Variants in CSMD1 observed in about 807,000 individuals in gnomAD.
The protein encoded by CSMD1 is CUB and sushi domain-containing protein 1.
Under a neutral mutation model 417.5 loss-of-function variants are expected in CSMD1, and 213 were observed. That is an observed-to-expected ratio of 0.51 (90% confidence interval 0.46 to 0.57). The LOEUF (loss-of-function observed/expected upper bound fraction) is 0.57, where lower values mean the gene tolerates loss of function less well. CSMD1 is among the 20% of genes least tolerant of loss of function. The pLI is 0.00. For synonymous variants in CSMD1, 2,862 were observed against 1,736.8 expected (o/e 1.65, Z -16.11); for missense variants, 6,923 against 4,529.7 (o/e 1.53, Z -15.17).
chr8:3,281,524 AG>A (rs1802737522), intron 26 of CSMD1, among the ~76,000 whole-genome samples: 1 of 152,218 alleles, frequency 6.6e-6, no homozygotes, highest in Admixed American at 6.5e-5. Flanking sequence ...TGATCCGTAC[AG>A]CCATGAAAAG....
intron 6 of CSMD1, among the ~76,000 whole-genome samples, chr8:3,752,302 A>T (rs892615323): frequency 2.0e-5 from 3 of 152,144 alleles, no homozygotes; most frequent in Non-Finnish European, 2.9e-5. Flanking sequence ...TCAAGCTAAG[A>T]ACCTTCCGGC....
intron 26 of CSMD1, among the ~76,000 whole-genome samples, chr8:3,232,441 G>C (rs1372899628): frequency 6.6e-6 from 1 of 152,086 alleles, no homozygotes; most frequent in African/African-American, 2.4e-5. Context: ...TTTTATTGCT[G>C]TATAGTTTTC....
intron 1 of CSMD1, among the ~76,000 whole-genome samples, chr8:4,653,086 A>C (rs1316213511): frequency 6.6e-6 from 1 of 152,050 alleles, no homozygotes; most frequent in African/African-American, 2.4e-5. Flanking sequence ...GGATGTGTTT[A>C]TGAGAGACAG....
At chr8:3,493,885 T>A (rs1246464274) in intron 10 of CSMD1, among the ~76,000 whole-genome samples, 159 bp from the exon 11 acceptor site, 2 of 152,212 alleles carry the variant, frequency 1.3e-5, no homozygotes, top group African/African-American at 4.8e-5. Flanking sequence ...GATAATTATA[T>A]ATATTTGATA....
chr8:3,220,479 G>C (rs1006978560), intron 28 of CSMD1, among the ~76,000 whole-genome samples: 9 of 152,152 alleles, frequency 5.9e-5, no homozygotes, highest in African/African-American at 2.2e-4. Flanking sequence ...GGCTGAGCTT[G>C]GTTAAGATGT....
At chr8:3,976,284 T>C (rs1296147199) in intron 5 of CSMD1, among the ~76,000 whole-genome samples, 2 of 151,408 alleles carry the variant, frequency 1.3e-5, no homozygotes, top group African/African-American at 4.9e-5. Context: ...TTTTTAGCTG[T>C]CAGGTTATAC....
intron 7 of CSMD1, among the ~76,000 whole-genome samples, chr8:3,623,440 T>C (rs1796352809): frequency 6.6e-6 from 1 of 152,184 alleles, no homozygotes; most frequent in East Asian, 1.9e-4. Context: ...ACGACATCTA[T>C]GACAGAGATT....
At chr8:3,582,840 T>A (rs1216801451) in intron 9 of CSMD1, among the ~76,000 whole-genome samples, 4 of 152,234 alleles carry the variant, frequency 2.6e-5, no homozygotes, top group African/African-American at 9.6e-5. Flanking sequence ...GTCTAGCTAC[T>A]AAATATTTCA....
chr8:3,828,954 C>T (rs1165763240), intron 5 of CSMD1, among the ~76,000 whole-genome samples: 2 of 152,212 alleles, frequency 1.3e-5, no homozygotes, highest in Non-Finnish European at 2.9e-5. Context: ...CTGTTTCTTA[C>T]ATATGGCAAC....
chr8:3,457,050 C>A (rs928045956), intron 12 of CSMD1, among the ~76,000 whole-genome samples: 1 of 151,626 alleles, frequency 6.6e-6, no homozygotes, highest in Non-Finnish European at 1.5e-5. Flanking sequence ...ACCCCTCATT[C>A]TGTACTCCTC....
chr8:4,829,043 A>G (rs1359465445), intron 1 of CSMD1, among the ~76,000 whole-genome samples: 1 of 152,208 alleles, frequency 6.6e-6, no homozygotes, highest in Non-Finnish European at 1.5e-5. Flanking sequence ...TTGAAAAGTA[A>G]TGATAACTTA....
At chr8:4,563,670 A>G (rs545702709) in intron 2 of CSMD1, among the ~76,000 whole-genome samples, 134 of 152,362 alleles carry the variant, frequency 8.8e-4, no homozygotes, top group Non-Finnish European at 1.7e-3. Context: ...AACTTTACAC[A>G]TTACAAAATT....
intron 7 of CSMD1, among the ~76,000 whole-genome samples, chr8:3,662,842 G>C (rs983311855): frequency 2.0e-5 from 3 of 152,004 alleles, no homozygotes; most frequent in Non-Finnish European, 1.5e-5. Context: ...CTGTCGGTGG[G>C]TAGGGGGAAA....
At chr8:4,500,579 A>G (rs113568212) in intron 2 of CSMD1, among the ~76,000 whole-genome samples, 12,709 of 152,202 alleles carry the variant, frequency 0.084, 732 homozygotes, top group Non-Finnish European at 0.11. Flanking sequence ...AAAGAAGAAC[A>G]GGATAGCTGT....
chr8:4,374,418 A>C (rs937345277), intron 3 of CSMD1, among the ~76,000 whole-genome samples: 1 of 152,194 alleles, frequency 6.6e-6, no homozygotes, highest in African/African-American at 2.4e-5. Context: ...AGGCACCTGA[A>C]AAAACTTTTT....
rs77204957 is a variant in CSMD1 at position 4,157,960 on chromosome 8, C to T, written c.416-125861G>A. ...TAAGGTTCAGAACATCTTTTAGCAACGTATGCCGAGATTGGCCAACTGTTG... is the reference window on the plus strand; with the variant it reads ...TAAGGTTCAGAACATCTTTTAGCAATGTATGCCGAGATTGGCCAACTGTTG... On this transcript the variant is annotated intron_variant, in intron 3 of 69. Coordinates refer to ENST00000635120, the MANE Select transcript of CSMD1 (RefSeq NM_033225.6). 1.4e-3 allele frequency among the ~76,000 whole-genome samples: 215 copies of T among 152,320 alleles called. 9 individuals carry two copies. The East Asian group carries it at 0.037, about 26-fold the overall frequency.
At chr8:4,506,979 T>C (rs1042904838) in intron 2 of CSMD1, among the ~76,000 whole-genome samples, 1 of 152,204 alleles carries the variant, frequency 6.6e-6, no homozygotes. Flanking sequence ...ATAAACAAAA[T>C]TGAATCGGTG....
intron 26 of CSMD1, among the ~76,000 whole-genome samples, chr8:3,234,011 C>G (rs184353228): frequency 6.6e-6 from 1 of 152,286 alleles, no homozygotes; most frequent in East Asian, 1.9e-4. Context: ...TCTCCCCACT[C>G]TGTGAGTAGA....
At chr8:4,791,758 A>G (rs1200363064) in intron 1 of CSMD1, among the ~76,000 whole-genome samples, 1 of 152,200 alleles carries the variant, frequency 6.6e-6, no homozygotes, top group Non-Finnish European at 1.5e-5. Flanking sequence ...TTCCTTCATT[A>G]GCATCGTGTG....
Sources: gnomAD v4.1 joint callset for allele counts (sites outside exome capture counted in the v4.1 genomes callset) on GRCh38, gnomAD v4.1.1 for gene constraint, MANE v1.5 for transcripts, NCBI Gene and HGNC (gene_info 2026-07-23, HGNC 2026-07-21) for gene names.